ATP13A4: variants seen among roughly 807,000 people sequenced by gnomAD.
The protein encoded by ATP13A4 is ATPase 13A4.
Under a neutral mutation model 142.5 loss-of-function variants are expected in ATP13A4, and 114 were observed. The ratio of observed to expected loss-of-function variants is 0.80; its 90% confidence interval spans 0.69 to 0.93. The LOEUF (loss-of-function observed/expected upper bound fraction) is 0.93, where lower values mean the gene tolerates loss of function less well. ATP13A4 is among the 40% of genes least tolerant of loss of function. The probability of loss-of-function intolerance (pLI) is 0.00; values close to 1 mark genes in which losing one functional copy is unlikely to be tolerated. For missense variants in ATP13A4, 1,392 were observed against 1,454.0 expected (o/e 0.96, Z 0.69); for synonymous variants, 488 against 514.8 (o/e 0.95, Z 0.70).
intron 10 of ATP13A4, 114 bp from the exon 11 acceptor site, chr3:193,466,296 C>A (rs1718282840): frequency 6.1e-6 from 8 of 1,303,618 alleles, no homozygotes; most frequent in Non-Finnish European, 7.7e-6. Context: ...AGTGTTTAAG[C>A]TCAAAGGCAA....
intron 27 of ATP13A4, among the ~76,000 whole-genome samples, chr3:193,411,354 G>A (rs762820976): frequency 6.6e-6 from 1 of 152,126 alleles, no homozygotes; most frequent in African/African-American, 2.4e-5. Context: ...TTCAATAAAT[G>A]CCTTGAAGAC....
intron 1 of ATP13A4, among the ~76,000 whole-genome samples, chr3:193,547,661 T>A (rs1282676623): frequency 6.6e-6 from 1 of 152,202 alleles, no homozygotes; most frequent in Non-Finnish European, 1.5e-5. Flanking sequence ...TGATACCTAT[T>A]ATATCACACT....
In ATP13A4 at chr3:193,457,083, A is replaced by G. The variant is rs1318124127; in HGVS notation, c.1832T>C (p.Ile611Thr). ...FSSALQRMTV[I>T]VQEMGGDRLA... ...TCGGTCACCTCCCATCTCTTGGACAATGACTGTCATTCTTTGCAGTGCCGA... is the reference window on the plus strand; with the variant it reads ...TCGGTCACCTCCCATCTCTTGGACAGTGACTGTCATTCTTTGCAGTGCCGA... Residue 611 changes from isoleucine to threonine, a missense_variant, in exon 16 of 30, where the codon ATT becomes ACT. Ile to Thr is a moderately conservative substitution (Grantham distance 89, BLOSUM62 -1). Coordinates refer to ENST00000342695, the MANE Select transcript of ATP13A4 (RefSeq NM_032279.4). 6.2e-7 allele frequency: 1 copy of G among 1,613,856 alleles called. No individual in the cohort carries two copies. Among genetic ancestry groups the G allele is most frequent in the Non-Finnish European group, 8.5e-7 (1 of 1,180,044 alleles).
In ATP13A4 at chr3:193,402,861, C is replaced by T; in HGVS notation, c.3382G>A (p.Ala1128Thr). The change falls in exon 30 of 30, where the codon GCT (alanine) becomes ACT (threonine). Residue 1128 changes from alanine (A) to threonine (T), a missense_variant. Physicochemically the swap from Ala to Thr is moderately conservative, Grantham distance 58 (BLOSUM62 0). Coordinates refer to ENST00000342695, the MANE Select transcript of ATP13A4 (RefSeq NM_032279.4). ...CACAGGGCTCGATTTTCAATAACAG[C>T]CTCCTGCAAAATAAAATAATTACTT... is the stretch of plus-strand genomic sequence containing the variant. ...NFIVSLVAEEAVIENRALWMM... is the reference protein window; with the variant it reads ...NFIVSLVAEETVIENRALWMM... 1.2e-6 allele frequency: 2 copies of T among 1,613,754 alleles called. No individual in the cohort carries two copies. The highest frequency in any genetic ancestry group is 1.3e-5 in the African/African-American group (1 of 75,006).
intron 2 of ATP13A4, chr3:193,579,445 TG>T (rs1159254618): frequency 5.7e-6 from 1 of 176,008 alleles, no homozygotes; most frequent in Non-Finnish European, 1.2e-5. Flanking sequence ...TCATGACACC[TG>T]TGTTCTGGAA....
chr3:193,491,535 A>G lies in ATP13A4; in HGVS notation c.534-137T>C, dbSNP rs185623434. ...ACATAAGTCTCCCTTGTTAAATACCATTCTGATCCTTCTCAAAATAATGGG... is the reference window on the plus strand; with the variant it reads ...ACATAAGTCTCCCTTGTTAAATACCGTTCTGATCCTTCTCAAAATAATGGG... On this transcript the variant is annotated intron_variant, in intron 5 of 29. Transcript: ENST00000342695. 4.3e-4 allele frequency: 302 copies of G among 701,922 alleles called. 1 individual carries two copies. In the East Asian group the frequency reaches 7.4e-3, roughly 17 times the overall value. 43.5% of individuals were successfully genotyped at this position (701,922 alleles called of 1,614,324 possible). A position where few individuals can be genotyped will look rare whatever the true frequency, so the allele number is the denominator to read the frequency against.
At chr3:193,517,541 C>G (rs1327470711) in intron 1 of ATP13A4, among the ~76,000 whole-genome samples, 1 of 152,168 alleles carries the variant, frequency 6.6e-6, no homozygotes, top group Non-Finnish European at 1.5e-5. Flanking sequence ...AGTACAGTGG[C>G]GCGATCTCGG....
rs373692119 is a variant in ATP13A4 at position 193,573,260 on chromosome 3, C to CATATAT, written n.291+8441_291+8446dup. On this transcript the variant is annotated intron_variant and non_coding_transcript_variant, in intron 2 of 3. Coordinates refer to the ATP13A4 transcript ENST00000489140. Reference sequence around the variant, plus strand: ...GATGAACTTTAACGAATACCACAGCCATATATATATATATACATATATATA... The same window carrying CATATAT: ...GATGAACTTTAACGAATACCACAGCCATATATATATATATATATATACATATATATA... 2.4e-4 allele frequency among the ~76,000 whole-genome samples: 19 copies of CATATAT among 79,020 alleles called. 1 individual carries two copies. The highest frequency in any genetic ancestry group is 9.2e-4 in the East Asian group (3 of 3,248). 51.8% of individuals were successfully genotyped at this position (79,020 alleles called of 152,430 possible). A position where few individuals can be genotyped will look rare whatever the true frequency, so the allele number is the denominator to read the frequency against.
intron 1 of ATP13A4, among the ~76,000 whole-genome samples, chr3:193,528,013 G>A (rs896159825): frequency 5.9e-5 from 9 of 152,160 alleles, no homozygotes; most frequent in African/African-American, 1.4e-4. Context: ...CATAACTCTC[G>A]TCCGTTGAGA....
chr3:193,448,344 T>A lies in ATP13A4; in HGVS notation c.2028-14A>T, dbSNP rs1317924335. The A allele has an allele frequency of 1.9e-6, 3 of 1,613,346 alleles. No individual in the cohort carries two copies. Among genetic ancestry groups the A allele is most frequent in the Non-Finnish European group, 2.5e-6 (3 of 1,179,876 alleles). Reference sequence around the variant, plus strand: ...TCTACCGTCTCCCTGAAAATACATATATAGATGTATTGAACAGAAATAACA... The same window carrying A: ...TCTACCGTCTCCCTGAAAATACATAAATAGATGTATTGAACAGAAATAACA... On this transcript the variant is annotated splice_polypyrimidine_tract_variant and intron_variant, in intron 17 of 29. Coordinates refer to ENST00000342695, the MANE Select transcript of ATP13A4 (RefSeq NM_032279.4).
intron 25 of ATP13A4, among the ~76,000 whole-genome samples, chr3:193,431,603 ATGTGTGTGTG>A (rs139137306): frequency 2.0e-4 from 30 of 147,064 alleles, no homozygotes; most frequent in African/African-American, 5.7e-4. Flanking sequence ...CTATATATGC[ATGTGTGTGTG>A]TGTGTGTGTG....
intron 1 of ATP13A4, among the ~76,000 whole-genome samples, chr3:193,582,139 C>T (rs1334517067): frequency 8.3e-6 from 1 of 120,248 alleles, no homozygotes; most frequent in Non-Finnish European, 1.7e-5. Context: ...CATATGTATA[C>T]TTTTCTTTTC....
intron 25 of ATP13A4, among the ~76,000 whole-genome samples, chr3:193,425,117 A>C (rs768252324): frequency 7.3e-6 from 1 of 136,528 alleles, no homozygotes; most frequent in Non-Finnish European, 1.5e-5. Context: ...AAAATGTTCA[A>C]CATCATTAAT....
At position 193,399,845 on chromosome 3, in the gene ATP13A4, CAAAAAAAAAAA is replaced by C. The variant is rs71177402; in HGVS notation, c.*2796_*2806del. Among the ~76,000 whole-genome samples the C allele has an allele frequency of 1.4e-5, 1 of 72,708 alleles. No homozygotes were observed. Among genetic ancestry groups the C allele is most frequent in the Non-Finnish European group, 2.4e-5 (1 of 42,194 alleles). 47.7% of individuals were successfully genotyped at this position (72,708 alleles called of 152,430 possible). A position where few individuals can be genotyped will look rare whatever the true frequency, so the allele number is the denominator to read the frequency against. ...TGGGCAACAGAGTGAGACTCCATCT[CAAAAAAAAAAA>C]AAAAAAAAAAAGGTTCACATCACAG... On this transcript the variant is annotated 3_prime_UTR_variant, in exon 30 of 30. Transcript: ENST00000342695.
intron 17 of ATP13A4, among the ~76,000 whole-genome samples, chr3:193,450,113 CAA>C (rs113643807): frequency 3.1e-4 from 29 of 95,008 alleles, no homozygotes; most frequent in East Asian, 5.2e-4. Context: ...ACCTGTCTCA[CAA>C]AAAAAAAAAA....
At chr3:193,528,032 T>A (rs753189135) in intron 1 of ATP13A4, among the ~76,000 whole-genome samples, 1 of 152,228 alleles carries the variant, frequency 6.6e-6, no homozygotes, top group African/African-American at 2.4e-5. Context: ...GATGCCTGCC[T>A]TCACTTCAAA....
intron 8 of ATP13A4, among the ~76,000 whole-genome samples, chr3:193,476,619 A>G (rs570885745): frequency 6.6e-6 from 1 of 152,104 alleles, no homozygotes; most frequent in Non-Finnish European, 1.5e-5. Context: ...AGCTTTCAAC[A>G]TGTCTTCCTC....
At chr3:193,528,783 C>A (rs2108699639) in intron 1 of ATP13A4, among the ~76,000 whole-genome samples, 1 of 152,286 alleles carries the variant, frequency 6.6e-6, no homozygotes, top group African/African-American at 2.4e-5. Flanking sequence ...GAGATCACCA[C>A]AATTAACAAC....
chr3:193,433,215 A>G (rs1716075398), intron 25 of ATP13A4, among the ~76,000 whole-genome samples: 1 of 152,210 alleles, frequency 6.6e-6, no homozygotes, highest in African/African-American at 2.4e-5. Flanking sequence ...CCACTTTGTG[A>G]GGAACGCTGA....
Sources: gnomAD v4.1 joint callset for allele counts (sites outside exome capture counted in the v4.1 genomes callset) on GRCh38, gnomAD v4.1.1 for gene constraint, MANE v1.5 for transcripts, NCBI Gene and HGNC (gene_info 2026-07-23, HGNC 2026-07-21) for gene names.